Variants in IGSF10 observed in about 807,000 individuals in gnomAD.
The protein encoded by IGSF10 is calvaria mechanical force protein 608.
IGSF10 carries 126 observed loss-of-function variants against 128.2 expected under a neutral mutation model. That is an observed-to-expected ratio of 0.98 (90% CI 0.85 to 1.14). The LOEUF (loss-of-function observed/expected upper bound fraction) is 1.14. IGSF10 is among the 50% of genes most tolerant of loss of function. IGSF10 has a pLI of 0.00. For missense variants in IGSF10, 3,295 were observed against 3,149.8 expected (o/e 1.05, Z -1.10); for synonymous variants, 1,185 against 1,146.2 (o/e 1.03, Z -0.68).
At chr3:151,482,463 G>C in the IGSF10 span, among the ~76,000 whole-genome samples, 3 of 152,272 alleles carry the variant, frequency 2.0e-5, no homozygotes, top group East Asian at 1.9e-4. Context: ...ATACTGATCA[G>C]AGGAAAGAAT....
At chr3:151,458,830 T>C (rs1721927421) in intron 2 of IGSF10, 120 bp from the exon 3 acceptor site, 5 of 734,534 alleles carry the variant, frequency 6.8e-6, no homozygotes, top group Non-Finnish European at 1.1e-5. Flanking sequence ...GTCAATTCCA[T>C]TCCTACCCTT....
chr3:151,437,150 CACTTGGCATAGTCCATTTGAT>C lies in IGSF10; in HGVS notation c.7390_7410del (p.Ile2464_Ser2470del), dbSNP rs1449463586. ...ATTTGAGGCCTGTCTACTACATAAC[CACTTGGCATAGTCCATTTGAT>C]ATTTGGCTTAGGGATTCCATCAGAC... On this transcript the variant is annotated inframe_deletion, in exon 8 of 8. Transcript: ENST00000282466. 3.7e-6 allele frequency: 6 copies of C among 1,614,146 alleles called. No homozygotes were observed. Among genetic ancestry groups the C allele is most frequent in the Middle Eastern group, 1.6e-4 (1 of 6,062 alleles).
Position 151,437,797 on chromosome 3 carries a change from G to A in IGSF10, c.6764C>T (p.Ser2255Phe). The A allele has an allele frequency of 6.2e-7, 1 of 1,613,764 alleles. No individual in the cohort carries two copies. Among genetic ancestry groups the A allele is most frequent in the Non-Finnish European group, 8.5e-7 (1 of 1,179,972 alleles). The change falls in exon 8 of 8, where the codon TCC (serine) becomes TTC (phenylalanine). Residue 2255 changes from serine (S) to phenylalanine (F), a missense_variant. Transcript: ENST00000282466. ...AGCTCTGCAGTCAAAGTGTTTTTTGGAATGTCTCACAGCTGTGGCTTTAAT... is the reference window on the plus strand; with the variant it reads ...AGCTCTGCAGTCAAAGTGTTTTTTGAAATGTCTCACAGCTGTGGCTTTAAT... ...TVIKATAVRHSKKHFDCRAEG... is the reference protein window; with the variant it reads ...TVIKATAVRHFKKHFDCRAEG...
At chr3:151,463,290 A>T (rs1407089854), upstream of IGSF10, among the ~76,000 whole-genome samples, 2 of 152,090 alleles carry the variant, frequency 1.3e-5, no homozygotes, top group Non-Finnish European at 2.9e-5. Flanking sequence ...GCTCCACTTA[A>T]TAACAATTCT....
At chr3:151,526,366 T>A in the IGSF10 span, among the ~76,000 whole-genome samples, 1 of 151,868 alleles carries the variant, frequency 6.6e-6, no homozygotes, top group Non-Finnish European at 1.5e-5. Flanking sequence ...CATAAATTGG[T>A]AATCTTTAGT....
At chr3:151,597,046 A>G in the IGSF10 span, among the ~76,000 whole-genome samples, 1 of 151,920 alleles carries the variant, frequency 6.6e-6, no homozygotes, top group Non-Finnish European at 1.5e-5. Flanking sequence ...TGAAGCTGGC[A>G]GTTTCCACAG....
At chr3:151,565,634 AAAAC>A in the IGSF10 span, among the ~76,000 whole-genome samples, 1 of 151,614 alleles carries the variant, frequency 6.6e-6, no homozygotes, top group Non-Finnish European at 1.5e-5. Context: ...GGAAGTTATA[AAAAC>A]AAACAAACAT....
At chr3:151,523,133 A>G in the IGSF10 span, among the ~76,000 whole-genome samples, 1 of 152,170 alleles carries the variant, frequency 6.6e-6, no homozygotes, top group African/African-American at 2.4e-5. Context: ...TTCTACAATG[A>G]GAATTACAAA....
At chr3:151,441,903 T>C (rs969533929) in intron 7 of IGSF10, among the ~76,000 whole-genome samples, 5 of 152,000 alleles carry the variant, frequency 3.3e-5, no homozygotes, top group Non-Finnish European at 5.9e-5. Flanking sequence ...CTACTAAAAA[T>C]ACAAAAAATT....
chr3:151,503,569 G>T, the IGSF10 span, among the ~76,000 whole-genome samples: 1 of 152,098 alleles, frequency 6.6e-6, no homozygotes, highest in Non-Finnish European at 1.5e-5. Context: ...GCAGCATAGA[G>T]AGACAAAAAG....
At chr3:151,545,432 C>A in the IGSF10 span, among the ~76,000 whole-genome samples, 1 of 152,210 alleles carries the variant, frequency 6.6e-6, no homozygotes, top group Non-Finnish European at 1.5e-5. Context: ...CTCTGCCTTG[C>A]AGCTTTGGAG....
At chr3:151,558,803 T>C in the IGSF10 span, among the ~76,000 whole-genome samples, 14 of 152,144 alleles carry the variant, frequency 9.2e-5, no homozygotes, top group Admixed American at 7.9e-4. Flanking sequence ...TTTTGACTCA[T>C]GGTACATGTG....
At chr3:151,612,691 T>C in the IGSF10 span, among the ~76,000 whole-genome samples, 1 of 152,190 alleles carries the variant, frequency 6.6e-6, no homozygotes, top group Admixed American at 6.5e-5. Context: ...ATACAGACTG[T>C]AATAAGTTTA....
At chr3:151,598,717 A>T in the IGSF10 span, among the ~76,000 whole-genome samples, 83 of 152,246 alleles carry the variant, frequency 5.5e-4, 1 homozygote, top group East Asian at 7.3e-3. Context: ...TATTTTTTTT[A>T]AAATATTTTT....
At chr3:151,580,103 G>C in the IGSF10 span, among the ~76,000 whole-genome samples, 2 of 152,154 alleles carry the variant, frequency 1.3e-5, no homozygotes, top group Non-Finnish European at 2.9e-5. Flanking sequence ...AGCACTGTGA[G>C]AGGCTGAGGT....
At chr3:151,581,751 T>C in the IGSF10 span, among the ~76,000 whole-genome samples, 2 of 152,228 alleles carry the variant, frequency 1.3e-5, no homozygotes, top group African/African-American at 4.8e-5. Context: ...ATTTTAGTTA[T>C]TCAACGGTGA....
rs375970433 is a variant in IGSF10 at position 151,448,196 on chromosome 3, G to A, written c.1785C>T (p.Cys595=). The A allele has an allele frequency of 1.2e-6, 2 of 1,614,184 alleles. No homozygotes were observed. The highest frequency in any genetic ancestry group is 8.5e-7 in the Non-Finnish European group (1 of 1,180,032). ...VFIGETLDLP[C]HSTGIPDASI... ...AGGCATCTGGGATACCAGTAGAATG[G>A]CATGGAAGATCAAGTGTTTCACCAA... Residue 595 remains cysteine, a synonymous_variant, in exon 6 of 8, where the codon TGC becomes TGT. Transcript: ENST00000282466.
downstream of IGSF10, chr3:151,432,780 G>A (rs142871635): frequency 4.3e-3 from 6,858 of 1,612,970 alleles, 24 homozygotes; most frequent in Non-Finnish European, 5.5e-3. Flanking sequence ...GAGTGACTCC[G>A]TATGGGCATC....
At chr3:151,575,003 C>T in the IGSF10 span, among the ~76,000 whole-genome samples, 1 of 152,174 alleles carries the variant, frequency 6.6e-6, no homozygotes, top group Non-Finnish European at 1.5e-5. Context: ...TTGGTGTTTG[C>T]TGGAGGTCCA....
Sources: gnomAD v4.1 joint callset for allele counts (sites outside exome capture counted in the v4.1 genomes callset) on GRCh38, gnomAD v4.1.1 for gene constraint, MANE v1.5 for transcripts, NCBI Gene and HGNC (gene_info 2026-07-23, HGNC 2026-07-21) for gene names.